GABRG3: variants seen among roughly 807,000 people sequenced by gnomAD.
GABRG3 encodes gamma-aminobutyric acid receptor subunit gamma-3.
Under a neutral mutation model 48.8 loss-of-function variants are expected in GABRG3, and 25 were observed. That is an observed-to-expected ratio of 0.51 (90% confidence interval 0.37 to 0.72). The LOEUF (loss-of-function observed/expected upper bound fraction) is 0.72. Ranked by LOEUF, GABRG3 falls within the 30% of genes least tolerant of loss-of-function variation. The pLI is 0.00. For synonymous variants in GABRG3, 227 were observed against 217.6 expected (o/e 1.04, Z -0.38); for missense variants, 394 against 577.9 (o/e 0.68, Z 3.26).
At chr15:27,280,492 T>C (rs886676620) in intron 3 of GABRG3, 1 of 152,210 alleles carries the variant, frequency 6.6e-6, no homozygotes, top group Non-Finnish European at 1.5e-5. Flanking sequence ...AGCACTGAGT[T>C]AGCTGCATCT....
chr15:27,194,719 G>A (rs1219002167), intron 3 of GABRG3, among the ~76,000 whole-genome samples: 2 of 152,078 alleles, frequency 1.3e-5, no homozygotes, highest in Non-Finnish European at 2.9e-5. Flanking sequence ...TGATATTTCT[G>A]AGTATGGATT....
chr15:27,055,261 C>G (rs1896526044), intron 3 of GABRG3, among the ~76,000 whole-genome samples: 1 of 152,068 alleles, frequency 6.6e-6, no homozygotes. Flanking sequence ...GGCTTTCACC[C>G]CGTAACATCT....
chr15:27,055,405 A>C (rs961918583), intron 3 of GABRG3, among the ~76,000 whole-genome samples: 1 of 152,202 alleles, frequency 6.6e-6, no homozygotes, highest in African/African-American at 2.4e-5. Flanking sequence ...TCAAAAGGAG[A>C]TAATGGAAGA....
At chr15:27,064,469 A>G (rs980394449) in intron 3 of GABRG3, among the ~76,000 whole-genome samples, 2 of 152,094 alleles carry the variant, frequency 1.3e-5, no homozygotes, top group Admixed American at 1.3e-4. Flanking sequence ...CTCCTCAGGA[A>G]AGGGAACGCT....
At chr15:27,148,094 G>A (rs954245278) in intron 3 of GABRG3, among the ~76,000 whole-genome samples, 5 of 151,890 alleles carry the variant, frequency 3.3e-5, no homozygotes, top group East Asian at 1.9e-4. Flanking sequence ...AAGAGTAGAC[G>A]CACATTACTT....
intron 6 of GABRG3, among the ~76,000 whole-genome samples, chr15:27,491,884 G>A (rs1040830632): frequency 5.9e-5 from 9 of 152,168 alleles, no homozygotes; most frequent in Admixed American, 1.3e-4. Context: ...AGTATGCATC[G>A]CTCTAAATTT....
At chr15:27,113,539 C>T (rs543488315) in intron 3 of GABRG3, among the ~76,000 whole-genome samples, 2 of 152,152 alleles carry the variant, frequency 1.3e-5, no homozygotes, top group South Asian at 4.1e-4. Flanking sequence ...GGCTTTCATG[C>T]CTATAGAGGA....
intron 3 of GABRG3, among the ~76,000 whole-genome samples, chr15:27,077,494 C>A (rs899774019): frequency 6.6e-6 from 1 of 152,020 alleles, no homozygotes; most frequent in African/African-American, 2.4e-5. Flanking sequence ...AATGCCAAGA[C>A]AAATGGAAAC....
intron 5 of GABRG3, among the ~76,000 whole-genome samples, chr15:27,357,678 A>G (rs1894886664): frequency 6.6e-6 from 1 of 152,232 alleles, no homozygotes; most frequent in Non-Finnish European, 1.5e-5. Flanking sequence ...TGATTTTCAT[A>G]TCTGCTTCCG....
chr15:27,347,649 A>T (rs1894420872), intron 5 of GABRG3, among the ~76,000 whole-genome samples: 1 of 152,154 alleles, frequency 6.6e-6, no homozygotes, highest in South Asian at 2.1e-4. Context: ...TCTTTCTTGC[A>T]TTTTCACTTT....
At chr15:27,178,883 G>A (rs1887831410) in intron 3 of GABRG3, among the ~76,000 whole-genome samples, 1 of 152,154 alleles carries the variant, frequency 6.6e-6, no homozygotes, top group African/African-American at 2.4e-5. Context: ...TTATGGGCCA[G>A]GTTTTACACA....
At chr15:27,455,545 G>T (rs1239389609) in intron 5 of GABRG3, among the ~76,000 whole-genome samples, 2 of 151,602 alleles carry the variant, frequency 1.3e-5, no homozygotes, top group Non-Finnish European at 2.9e-5. Flanking sequence ...TGCTATGTGT[G>T]GTTTGTGAGT....
chr15:27,472,149 C>T (rs1196240287), intron 5 of GABRG3, among the ~76,000 whole-genome samples: 4 of 152,046 alleles, frequency 2.6e-5, no homozygotes, highest in African/African-American at 9.7e-5. Flanking sequence ...AACTTCCTCT[C>T]ATAGGATTTG....
chr15:27,127,880 G>A (rs1476547783), intron 3 of GABRG3, among the ~76,000 whole-genome samples: 1 of 152,222 alleles, frequency 6.6e-6, no homozygotes, highest in African/African-American at 2.4e-5. Flanking sequence ...ACTGGTAGGT[G>A]TGGAGGGTGG....
chr15:27,147,986 A>C (rs906726151), intron 3 of GABRG3, among the ~76,000 whole-genome samples: 1 of 151,982 alleles, frequency 6.6e-6, no homozygotes, highest in African/African-American at 2.4e-5. Context: ...CAAATGAAAA[A>C]AGAATAGAAA....
At chr15:27,366,631 T>C (rs1445080912) in intron 5 of GABRG3, among the ~76,000 whole-genome samples, 1 of 152,158 alleles carries the variant, frequency 6.6e-6, no homozygotes, top group African/African-American at 2.4e-5. Context: ...GAACCCAAGC[T>C]GTGTCTTCAC....
intron 3 of GABRG3, among the ~76,000 whole-genome samples, chr15:27,303,391 C>T (rs575706625): frequency 9.2e-5 from 14 of 151,712 alleles, no homozygotes; most frequent in African/African-American, 3.1e-4. Context: ...CTATCAAAGC[C>T]TACCCAAGAT....
chr15:27,104,442 G>C (rs970760225), intron 3 of GABRG3, among the ~76,000 whole-genome samples: 2 of 152,154 alleles, frequency 1.3e-5, no homozygotes, highest in Admixed American at 6.5e-5. Context: ...AAAAATTTGT[G>C]TTTGTTTATT....
intron 6 of GABRG3, among the ~76,000 whole-genome samples, chr15:27,488,417 G>A (rs1420288801): frequency 2.0e-5 from 3 of 152,128 alleles, no homozygotes; most frequent in Non-Finnish European, 4.4e-5. Flanking sequence ...TAAATTCCAG[G>A]CCTGCACTCA....
Sources: allele counts gnomAD v4.1 joint callset (sites outside exome capture counted in the v4.1 genomes callset), GRCh38; gene constraint gnomAD v4.1.1; transcripts MANE v1.5; gene names NCBI Gene and HGNC (gene_info 2026-07-23, HGNC 2026-07-21).